The following MED12L variants were observed in gnomAD, a reference collection of about 807,000 sequenced individuals.
MED12L encodes mediator of RNA polymerase II transcription subunit 12-like protein.
Under a neutral mutation model 281.3 loss-of-function variants are expected in MED12L, and 60 were observed. The observed-to-expected ratio is 0.21, with a 90% CI of 0.17 to 0.26. The LOEUF (loss-of-function observed/expected upper bound fraction) is 0.26. Ranked by LOEUF, MED12L falls within the 10% of genes least tolerant of loss-of-function variation. MED12L has a pLI of 1.00. For missense variants in MED12L, 2,146 were observed against 2,680.9 expected, an observed-to-expected ratio of 0.80 and a Z score of 4.41; for synonymous variants, 974 against 987.2, an observed-to-expected ratio of 0.99 and a Z score of 0.25.
chr3:151,212,898 C>T (rs1415369168), intron 16 of MED12L: 1 of 152,842 alleles, frequency 6.5e-6, no homozygotes, highest in East Asian at 1.9e-4. Context: ...GTGTTGAAAA[C>T]AATTACATAC....
intron 16 of MED12L, among the ~76,000 whole-genome samples, chr3:151,239,412 CT>C (rs1193371430): frequency 5.3e-5 from 8 of 152,174 alleles, no homozygotes; most frequent in African/African-American, 1.9e-4. Flanking sequence ...CTTCAACATA[CT>C]TTTAACCTAA....
In MED12L at chr3:151,169,901, C is replaced by T. The variant is rs545847965; in HGVS notation, c.1494+3919C>T. On this transcript the variant is annotated intron_variant, in intron 11 of 44. Coordinates refer to ENST00000687756, the MANE Select transcript of MED12L (RefSeq NM_001393769.1). Reference sequence around the variant, plus strand: ...GAAGTCGTGTCTAGGTAGGCCTAGGCCCCAGGTTGCATAGCCTGCTTCTTC... The same window carrying T: ...GAAGTCGTGTCTAGGTAGGCCTAGGTCCCAGGTTGCATAGCCTGCTTCTTC... Among the ~76,000 whole-genome samples the T allele has an allele frequency of 6.8e-4, 103 of 152,332 alleles. 1 individual carries two copies. In the South Asian group the frequency reaches 0.014, roughly 21 times the overall value.
chr3:151,385,275 AAT>A, intron 36 of MED12L, 84 bp downstream of exon 36: 5 of 764,748 alleles, frequency 6.5e-6, no homozygotes, highest in South Asian at 2.2e-5. Context: ...GGATATATAA[AAT>A]ATATTAATTT....
At chr3:151,158,604 GTTAGAC>G in intron 6 of MED12L, 79 bp from the exon 7 acceptor site, 1 of 806,678 alleles carries the variant, frequency 1.2e-6, no homozygotes, top group South Asian at 1.6e-5. Flanking sequence ...CAGTAGTACA[GTTAGAC>G]TTAAGCATAA....
rs181526164 is a variant in MED12L at position 151,284,976 on chromosome 3, T to C, written c.2251-65083T>C. ...GCTGTGCTGGTTACCCTTGTCTAAT[T>C]CTCAGTGGTCATGAGGTGGTGCTGT... On this transcript the variant is annotated intron_variant, in intron 16 of 44. Coordinates refer to ENST00000687756, the MANE Select transcript of MED12L (RefSeq NM_001393769.1). 3.6e-4 allele frequency among the ~76,000 whole-genome samples: 55 copies of C among 152,320 alleles called. No homozygotes were observed. In the East Asian group the frequency reaches 0.01, roughly 28 times the overall value.
intron 30 of MED12L, among the ~76,000 whole-genome samples, chr3:151,377,544 C>T (rs1256029488): frequency 1.3e-5 from 2 of 152,092 alleles, no homozygotes; most frequent in Admixed American, 1.3e-4. Flanking sequence ...GAATTAGAAC[C>T]AGTAGGCATA....
chr3:151,347,654 A>G (rs1387877319), intron 16 of MED12L, among the ~76,000 whole-genome samples: 2 of 152,040 alleles, frequency 1.3e-5, no homozygotes, highest in African/African-American at 4.8e-5. Context: ...GTCTTGGTGA[A>G]ATGTTGAGTA....
At chr3:151,169,718 A>G (rs927170792) in intron 11 of MED12L, among the ~76,000 whole-genome samples, 3 of 152,236 alleles carry the variant, frequency 2.0e-5, no homozygotes, top group Admixed American at 2.0e-4. Context: ...TTCTCTGATA[A>G]GGAGTTACGT....
At chr3:151,421,742 ATTTTTC>A (rs1718274697) in intron 43 of MED12L, among the ~76,000 whole-genome samples, 1 of 151,790 alleles carries the variant, frequency 6.6e-6, no homozygotes, top group Admixed American at 6.6e-5. Flanking sequence ...ATCTTTCGGT[ATTTTTC>A]TTTTTCTTAA....
chr3:151,163,835 C>T, intron 8 of MED12L, 58 bp from the exon 9 acceptor site: 1 of 1,534,686 alleles, frequency 6.5e-7, no homozygotes, highest in Non-Finnish European at 8.9e-7. Context: ...TACTGTTTAG[C>T]TATTGTTATG....
chr3:151,350,197 G>A lies in MED12L; in HGVS notation c.2389G>A (p.Glu797Lys), dbSNP rs199893161. Residue 797 changes from glutamate to lysine, a missense_variant, in exon 17 of 45, where the codon GAG becomes AAG. Physicochemically the swap from Glu to Lys is moderately conservative, Grantham distance 56. Transcript: ENST00000687756. ...LKILNKKSTT[E>K]TGVGDEGQKA... ...AATTCTAAATAAGAAGAGCACCACA[G>A]AGACAGGGGGTAAAGAACCTTAATG... 6.2e-7 allele frequency: 1 copy of A among 1,613,476 alleles called. No individual in the cohort carries two copies. Among genetic ancestry groups the A allele is most frequent in the East Asian group, 2.2e-5 (1 of 44,870 alleles).
intron 18 of MED12L, among the ~76,000 whole-genome samples, chr3:151,355,681 C>T (rs1040838651): frequency 6.6e-6 from 1 of 152,106 alleles, no homozygotes; most frequent in Non-Finnish European, 1.5e-5. Flanking sequence ...AGATTTAGGT[C>T]TGAATGACAA....
At chr3:151,213,683 T>C in intron 16 of MED12L, 1 of 1,614,192 alleles carries the variant, frequency 6.2e-7, no homozygotes, top group East Asian at 2.2e-5. Flanking sequence ...TTAAAGATTT[T>C]CTTTGTGATA....
At chr3:151,299,398 TTCCCCTCCCC>T (rs1326249621) in intron 16 of MED12L, among the ~76,000 whole-genome samples, 5 of 137,280 alleles carry the variant, frequency 3.6e-5, no homozygotes, top group African/African-American at 5.7e-5. Context: ...TTCTTTTCTT[TTCCCCTCCCC>T]TCCCCTCCCC....
intron 13 of MED12L, 97 bp downstream of exon 13, chr3:151,188,577 C>CA: frequency 1.6e-6 from 2 of 1,260,194 alleles, no homozygotes; most frequent in Non-Finnish European, 2.2e-6. Context: ...ATTTAATATT[C>CA]TTGGCACTGA....
At chr3:151,221,431 T>C (rs1320696513) in intron 16 of MED12L, among the ~76,000 whole-genome samples, 1 of 152,230 alleles carries the variant, frequency 6.6e-6, no homozygotes, top group Non-Finnish European at 1.5e-5. Flanking sequence ...AGGTCTTTAC[T>C]GCAAGCCCAT....
chr3:151,096,929 C>G (rs942718233), intron 2 of MED12L, among the ~76,000 whole-genome samples: 2 of 152,222 alleles, frequency 1.3e-5, no homozygotes, highest in African/African-American at 4.8e-5. Flanking sequence ...TCTTTGAGAG[C>G]TGGTAACTCT....
chr3:151,126,557 CTG>C (rs1560073060), intron 4 of MED12L, among the ~76,000 whole-genome samples: 1 of 152,186 alleles, frequency 6.6e-6, no homozygotes. Context: ...CAGATATCCA[CTG>C]TATGAGTGAG....
At chr3:151,230,556 T>A (rs1459837490) in intron 16 of MED12L, among the ~76,000 whole-genome samples, 1 of 151,804 alleles carries the variant, frequency 6.6e-6, no homozygotes, top group African/African-American at 2.4e-5. Flanking sequence ...GGACTAGTTT[T>A]GTTTTACTCC....
Sources: allele counts gnomAD v4.1 joint callset (sites outside exome capture counted in the v4.1 genomes callset), GRCh38; gene constraint gnomAD v4.1.1; transcripts MANE v1.5; gene names NCBI Gene and HGNC (gene_info 2026-07-23, HGNC 2026-07-21).